The following EFHC1 variants were observed in gnomAD, a reference collection of about 807,000 sequenced individuals.
The protein encoded by EFHC1 is EF-hand domain containing 1.
Under a neutral mutation model 69.9 loss-of-function variants are expected in EFHC1, and 53 were observed. The observed-to-expected ratio is 0.76, with a 90% confidence interval of 0.61 to 0.95. EFHC1 has a LOEUF of 0.95. EFHC1 is among the 40% of genes least tolerant of loss of function. The pLI, the probability that EFHC1 is intolerant of heterozygous loss-of-function variation, is 0.00. For missense variants in EFHC1, 739 were observed against 798.7 expected (o/e 0.93, Z 0.90); for synonymous variants, 256 against 278.4 (o/e 0.92, Z 0.80).
rs745982377 is a variant in EFHC1 at position 52,469,382 on chromosome 6, A to G, written c.1187A>G (p.Asn396Ser). ...GGACTAGTGGAAGATTCTGCTCAGAATTGTTTTGCTCTCATTCCAAAAGCT... is the reference window on the plus strand; with the variant it reads ...GGACTAGTGGAAGATTCTGCTCAGAGTTGTTTTGCTCTCATTCCAAAAGCT... Reference protein sequence around the residue: ...GFGLVEDSAQNCFALIPKAPK... With the variant: ...GFGLVEDSAQSCFALIPKAPK... Residue 396 changes from asparagine (N) to serine (S), a missense_variant, in exon 7 of 11, where the codon AAT becomes AGT. Transcript: ENST00000371068. 5.6e-6 allele frequency: 9 copies of G among 1,613,904 alleles called. No homozygotes were observed. In the Admixed American group the frequency reaches 1.3e-4, roughly 24 times the overall value.
chr6:52,440,904 T>TC (rs780772845), intron 3 of EFHC1, among the ~76,000 whole-genome samples: 2 of 152,272 alleles, frequency 1.3e-5, no homozygotes, highest in Non-Finnish European at 2.9e-5. Context: ...AGCTTTTTTT[T>TC]CATATGGTTA....
At chr6:52,436,005 C>T (rs538902002) in intron 2 of EFHC1, among the ~76,000 whole-genome samples, 1 of 152,320 alleles carries the variant, frequency 6.6e-6, no homozygotes, top group Admixed American at 6.5e-5. Context: ...GGCACGCCAC[C>T]TTACCACCCT....
chr6:52,475,553 T>C (rs1285576758), intron 7 of EFHC1, among the ~76,000 whole-genome samples: 1 of 152,200 alleles, frequency 6.6e-6, no homozygotes, highest in East Asian at 1.9e-4. Flanking sequence ...CAGCTGAATG[T>C]CTTCCAAGAG....
chr6:52,479,119 C>T lies in EFHC1; in HGVS notation c.1361C>T (p.Pro454Leu). ...LATDMISIFE[P>L]PVRNSGIIGG... Reference sequence around the variant, plus strand: ...ACCGACATGATCAGTATCTTTGAGCCTCCTGTTCGCAATTCTGGTATCATT... The same window carrying T: ...ACCGACATGATCAGTATCTTTGAGCTTCCTGTTCGCAATTCTGGTATCATT... The change falls in exon 8 of 11, where the codon CCT (proline) becomes CTT (leucine). Residue 454 changes from proline (P) to leucine (L), a missense_variant. By Grantham distance (98) the Pro-to-Leu change is moderately conservative (BLOSUM62 -3). Transcript: ENST00000371068. The T allele has an allele frequency of 6.2e-7, 1 of 1,614,128 alleles. No homozygotes were observed. The highest frequency in any genetic ancestry group is 8.5e-7 in the Non-Finnish European group (1 of 1,180,000).
intron 9 of EFHC1, chr6:52,487,143 G>A (rs1765803512): frequency 6.6e-6 from 1 of 152,044 alleles, no homozygotes; most frequent in Non-Finnish European, 1.5e-5. Flanking sequence ...AAATGAATAG[G>A]AGTGGCTATA....
In EFHC1 at chr6:52,494,682, C is replaced by T. The variant is rs1467549896; in HGVS notation, c.*2341C>T. The T allele has an allele frequency of 2.0e-5, 9 of 453,952 alleles. No individual in the cohort carries two copies. In the Admixed American group the frequency reaches 2.1e-4, roughly 11 times the overall value. 28.1% of individuals were successfully genotyped at this position (453,952 alleles called of 1,614,324 possible). A position where few individuals can be genotyped will look rare whatever the true frequency, so the allele number is the denominator to read the frequency against. On this transcript the variant is annotated 3_prime_UTR_variant, in exon 11 of 11. Coordinates refer to ENST00000371068, the MANE Select transcript of EFHC1 (RefSeq NM_018100.4). ...TAGTGCCCAGTAAGTAGTTTTTCCA[C>T]ACATACCCCCTCCTTCCCTTCCCAC...
chr6:52,464,444 C>T (rs1001305362), intron 5 of EFHC1, among the ~76,000 whole-genome samples: 5 of 152,098 alleles, frequency 3.3e-5, no homozygotes, highest in African/African-American at 4.8e-5. Flanking sequence ...TGTTAATTAT[C>T]GTAATCCCAG....
chr6:52,423,683 T>G, intron 1 of EFHC1: 45 of 404,098 alleles, frequency 1.1e-4, no homozygotes, highest in South Asian at 3.0e-4. Context: ...TTTTTTTTTT[T>G]TAGTTTTTGT....
intron 7 of EFHC1, among the ~76,000 whole-genome samples, chr6:52,475,588 G>A (rs1562460884): frequency 1.3e-5 from 2 of 152,144 alleles, no homozygotes; most frequent in Non-Finnish European, 1.5e-5. Flanking sequence ...ACCATGTGTG[G>A]TGTTTGTTAA....
At chr6:52,425,232 A>G (rs1764277927) in intron 2 of EFHC1, among the ~76,000 whole-genome samples, 1 of 152,230 alleles carries the variant, frequency 6.6e-6, no homozygotes, top group Non-Finnish European at 1.5e-5. Context: ...AGTATGATTT[A>G]TATAATTGGA....
chr6:52,420,895 A>G, intron 1 of EFHC1: 1 of 513,398 alleles, frequency 1.9e-6, no homozygotes, highest in Non-Finnish European at 2.8e-6. Flanking sequence ...GTCTCCGTCC[A>G]TCGCCGCCCT....
chr6:52,481,582 A>G (rs544971515), intron 9 of EFHC1: 22 of 151,928 alleles, frequency 1.4e-4, no homozygotes, highest in South Asian at 6.2e-4. Context: ...TGCAGTGCCA[A>G]TAGTGGAATA....
intron 7 of EFHC1, among the ~76,000 whole-genome samples, chr6:52,475,304 A>C (rs1581844623): frequency 6.6e-6 from 1 of 152,328 alleles, no homozygotes; most frequent in South Asian, 2.1e-4. Flanking sequence ...ATGGAAATTC[A>C]AAAAGAAAGG....
intron 3 of EFHC1, among the ~76,000 whole-genome samples, chr6:52,449,116 G>A (rs1032804556): frequency 6.6e-6 from 1 of 152,308 alleles, no homozygotes; most frequent in East Asian, 1.9e-4. Context: ...GGGTGCGGTG[G>A]CTCACGCCTG....
chr6:52,483,868 G>T (rs1291045400), intron 9 of EFHC1: 1 of 152,390 alleles, frequency 6.6e-6, no homozygotes, highest in Non-Finnish European at 1.5e-5. Context: ...AATGGGAAGA[G>T]GGGGAGAACC....
chr6:52,474,865 C>A (rs1765512070), intron 7 of EFHC1, among the ~76,000 whole-genome samples: 1 of 152,166 alleles, frequency 6.6e-6, no homozygotes, highest in South Asian at 2.1e-4. Context: ...AAGGCAATGG[C>A]CTGTTTGGTG....
chr6:52,460,467 TATGTC>T (rs1765140487), intron 5 of EFHC1, among the ~76,000 whole-genome samples: 1 of 152,202 alleles, frequency 6.6e-6, no homozygotes, highest in Non-Finnish European at 1.5e-5. Flanking sequence ...GGTAAATACA[TATGTC>T]AAGCAACATC....
rs549090828 is a variant in EFHC1 at position 52,481,153 on chromosome 6, A to G, written c.1640+1366A>G. ...GGGAGAAGTGGTCTGATTTGGATGT[A>G]TTTTGAAGGTAGCACCAATTGGACT... On this transcript the variant is annotated intron_variant, in intron 9 of 10. Transcript: ENST00000371068. 2.6e-5 allele frequency among the ~76,000 whole-genome samples: 4 copies of G among 152,188 alleles called. No homozygotes were observed. The East Asian group carries it at 5.8e-4, about 22-fold the overall frequency.
chr6:52,458,970 G>C (rs981896226), intron 5 of EFHC1, among the ~76,000 whole-genome samples: 2 of 152,204 alleles, frequency 1.3e-5, no homozygotes, highest in African/African-American at 4.8e-5. Context: ...CGTGGATGCA[G>C]GTAGAGGCCA....
Sources: allele counts gnomAD v4.1 joint callset (sites outside exome capture counted in the v4.1 genomes callset), GRCh38; gene constraint gnomAD v4.1.1; transcripts MANE v1.5; gene names NCBI Gene and HGNC (gene_info 2026-07-23, HGNC 2026-07-21).